Variants in CHRNA9 observed in about 807,000 individuals in gnomAD.
The protein encoded by CHRNA9 is cholinergic receptor nicotinic alpha 9 subunit.
In CHRNA9, 24 loss-of-function variants were observed where a neutral mutation model predicts 36.8. The observed-to-expected ratio is 0.65, with a 90% confidence interval of 0.47 to 0.92. The LOEUF is 0.92. Ranked by LOEUF, CHRNA9 falls within the 40% of genes least tolerant of loss-of-function variation. The pLI, the probability that CHRNA9 is intolerant of heterozygous loss-of-function variation, is 0.00. For synonymous variants in CHRNA9, 231 were observed against 231.8 expected, an observed-to-expected ratio of 1.00 and a Z score of 0.03; for missense variants, 610 against 601.2, an observed-to-expected ratio of 1.01 and a Z score of -0.15.
At position 40,354,182 on chromosome 4, in the gene CHRNA9, G is replaced by A. The variant is rs2109691667; in HGVS notation, c.1102G>A (p.Asp368Asn). ...CAGCCCGCACCACAGTAGAGAGCGG[G>A]ACCACCTCACGAAAGTTTATAGCAA... Reference protein sequence around the residue: ...CLSPHHSRERDHLTKVYSKLP... With the variant: ...CLSPHHSRERNHLTKVYSKLP... Residue 368 changes from aspartate (D) to asparagine (N), a missense_variant, in exon 5 of 5, where the codon GAC (aspartate) becomes AAC (asparagine). Asp to Asn is a conservative substitution (Grantham distance 23, BLOSUM62 1). Coordinates refer to ENST00000310169, the MANE Select transcript of CHRNA9 (RefSeq NM_017581.4). The A allele has an allele frequency of 6.2e-7, 1 of 1,614,128 alleles. No individual in the cohort carries two copies.
chr4:40,349,311 C>T lies in CHRNA9; in HGVS notation c.795C>T (p.Ser265=), dbSNP rs752954439. The change falls in exon 4 of 5, where the codon TCC becomes TCT. Residue 265 remains serine (S), a synonymous_variant. Transcript: ENST00000310169. The part of the protein sequence containing the change: ...APLSFYLPAA[S]GEKVSLGVTI... ...TGAGTTTTTATCTCCCAGCAGCCTC[C>T]GGAGAAAAGGTCTCCCTGGGAGTGA... 45 of 1,614,012 alleles carry T rather than the reference C, an allele frequency of 2.8e-5. No individual in the cohort carries two copies. Among genetic ancestry groups the T allele is most frequent in the South Asian group, 1.8e-4 (16 of 91,086 alleles).
intron 2 of CHRNA9, among the ~76,000 whole-genome samples, chr4:40,336,771 C>T (rs562612344): frequency 6.6e-5 from 10 of 152,290 alleles, no homozygotes; most frequent in Non-Finnish European, 1.2e-4. Context: ...TGAGCCACCG[C>T]GCCCGGCCAA....
At chr4:40,353,150 T>C (rs1167139878) in intron 4 of CHRNA9, among the ~76,000 whole-genome samples, 1 of 152,136 alleles carries the variant, frequency 6.6e-6, no homozygotes, top group African/African-American at 2.4e-5. Context: ...GCTGAAAGTC[T>C]AGGGAGTGAT....
chr4:40,338,039 G>A (rs1712377294), intron 3 of CHRNA9: 2 of 152,140 alleles, frequency 1.3e-5, no homozygotes, highest in Admixed American at 1.3e-4. Context: ...ACTTCAATAT[G>A]TGAATTTTTC....
intron 3 of CHRNA9, among the ~76,000 whole-genome samples, chr4:40,340,274 C>T (rs1290920458): frequency 2.0e-5 from 3 of 152,146 alleles, no homozygotes; most frequent in African/African-American, 4.8e-5. Context: ...TTTTGTTCCT[C>T]TGGTTGACTC....
At chr4:40,339,398 G>A (rs1712432608) in intron 3 of CHRNA9, among the ~76,000 whole-genome samples, 1 of 150,202 alleles carries the variant, frequency 6.7e-6, no homozygotes, top group South Asian at 2.1e-4. Flanking sequence ...GACAGGGTCT[G>A]GGGGCCAGGC....
At chr4:40,345,736 A>G (rs1712620235) in intron 3 of CHRNA9, among the ~76,000 whole-genome samples, 1 of 149,922 alleles carries the variant, frequency 6.7e-6, no homozygotes, top group Non-Finnish European at 1.5e-5. Flanking sequence ...CAAACAAACA[A>G]ACAAATGGCT....
At position 40,335,465 on chromosome 4, in the gene CHRNA9, A is replaced by G. The variant is rs768718305; in HGVS notation, c.-3A>G. On this transcript the variant is annotated 5_prime_UTR_variant, in exon 1 of 5. Coordinates refer to ENST00000310169, the MANE Select transcript of CHRNA9 (RefSeq NM_017581.4). ...GACTTTATTATAGAGGCTCAGGAAA[A>G]AGATGAACTGGTCCCATTCCTGCAT... The G allele has an allele frequency of 1.2e-6, 2 of 1,612,010 alleles. No individual in the cohort carries two copies.
At chr4:40,351,096 G>A (rs1168487865) in intron 4 of CHRNA9, among the ~76,000 whole-genome samples, 1 of 151,466 alleles carries the variant, frequency 6.6e-6, no homozygotes, top group African/African-American at 2.4e-5. Flanking sequence ...CTAGCACTTT[G>A]GGAGGCTGAG....
chr4:40,337,558 G>A (rs1362612798), intron 3 of CHRNA9, among the ~76,000 whole-genome samples, 194 bp downstream of exon 3: 1 of 152,220 alleles, frequency 6.6e-6, no homozygotes, highest in Non-Finnish European at 1.5e-5. Flanking sequence ...GAGCTGGAAA[G>A]AAACCATCCA....
At chr4:40,346,323 T>C (rs1449787114) in intron 3 of CHRNA9, among the ~76,000 whole-genome samples, 2 of 152,248 alleles carry the variant, frequency 1.3e-5, no homozygotes, top group Admixed American at 6.5e-5. Flanking sequence ...AACTGCACTT[T>C]CTCCTCACCT....
chr4:40,344,453 G>A (rs546379310), intron 3 of CHRNA9, among the ~76,000 whole-genome samples: 2 of 151,672 alleles, frequency 1.3e-5, no homozygotes, highest in Admixed American at 1.3e-4. Flanking sequence ...AGAATTGCTT[G>A]AATCCAGGAG....
intron 2 of CHRNA9, 129 bp downstream of exon 2, chr4:40,336,101 A>G: frequency 1.3e-6 from 1 of 781,472 alleles, no homozygotes; most frequent in Non-Finnish European, 2.1e-6. Context: ...TGGTGGGAGA[A>G]GAGAATGTCG....
intron 2 of CHRNA9, among the ~76,000 whole-genome samples, chr4:40,336,682 G>A (rs894741848): frequency 3.3e-5 from 5 of 151,898 alleles, no homozygotes; most frequent in Admixed American, 6.6e-5. Flanking sequence ...GGGTTTTACC[G>A]TGTTAGTCAG....
chr4:40,342,469 A>G (rs1333826693), intron 3 of CHRNA9, among the ~76,000 whole-genome samples: 1 of 152,228 alleles, frequency 6.6e-6, no homozygotes, highest in East Asian at 1.9e-4. Flanking sequence ...CTCTACATTT[A>G]AGGAATTTAC....
chr4:40,336,278 G>A (rs867552149), intron 2 of CHRNA9, among the ~76,000 whole-genome samples: 3 of 152,132 alleles, frequency 2.0e-5, no homozygotes, highest in Non-Finnish European at 2.9e-5. Context: ...GACAGAAAAC[G>A]GCATAGAGGT....
Position 40,337,352 on chromosome 4 carries a change from T to G in CHRNA9, c.353T>G (p.Val118Gly). ...PSDLVWRPDI[V>G]LYNKADDESS... ...GACCTCGTGTGGAGGCCAGACATCG[T>G]CTTATATAACAAGTAAGTGCAGCTC... Residue 118 changes from valine to glycine, a missense_variant, in exon 3 of 5, where the codon GTC becomes GGC. Coordinates refer to ENST00000310169, the MANE Select transcript of CHRNA9 (RefSeq NM_017581.4). The G allele has an allele frequency of 6.2e-7, 1 of 1,614,120 alleles. No homozygotes were observed. The highest frequency in any genetic ancestry group is 1.1e-5 in the South Asian group (1 of 91,076).
rs1712281630 is a variant in CHRNA9 at position 40,335,341 on chromosome 4, C to G, written c.-127C>G. 4.1e-6 allele frequency: 3 copies of G among 736,820 alleles called. No individual in the cohort carries two copies. The highest frequency in any genetic ancestry group is 7.2e-6 in the Non-Finnish European group (3 of 414,592). The allele number at this position is 736,820 out of a possible 1,614,324, so 45.6% of individuals were successfully genotyped here. A position where few individuals can be genotyped will look rare whatever the true frequency, so the allele number is the denominator to read the frequency against. ...ATCTCGGTCCTGCATGCAATGCAAG[C>G]CTGAGCTCTCCCGCCATAAGGCTGC... On this transcript the variant is annotated 5_prime_UTR_variant, in exon 1 of 5. Coordinates refer to ENST00000310169, the MANE Select transcript of CHRNA9 (RefSeq NM_017581.4).
rs758369911 is a variant in CHRNA9 at position 40,335,814 on chromosome 4, T to A, written c.65-13T>A. On this transcript the variant is annotated splice_polypyrimidine_tract_variant and intron_variant, in intron 1 of 4. Coordinates refer to ENST00000310169, the MANE Select transcript of CHRNA9 (RefSeq NM_017581.4). ...CACTCTGAATGTTAATCCAGATCCCTCTTGTTGAGTAGCTGCAGAGACGGC... is the reference window on the plus strand; with the variant it reads ...CACTCTGAATGTTAATCCAGATCCCACTTGTTGAGTAGCTGCAGAGACGGC... 127 of 1,609,916 alleles carry A rather than the reference T, an allele frequency of 7.9e-5. No homozygotes were observed. The highest frequency in any genetic ancestry group is 2.7e-4 in the Admixed American group (16 of 59,844).
Sources: gnomAD v4.1 joint callset for allele counts (sites outside exome capture counted in the v4.1 genomes callset) on GRCh38, gnomAD v4.1.1 for gene constraint, MANE v1.5 for transcripts, NCBI Gene and HGNC (gene_info 2026-07-23, HGNC 2026-07-21) for gene names.